The following CDH18 variants were observed in gnomAD, a reference collection of about 807,000 sequenced individuals.
CDH18 encodes the protein cadherin 18.
In CDH18, 31 loss-of-function variants were observed where a neutral mutation model predicts 67.9. The observed-to-expected ratio is 0.46, with a 90% CI of 0.34 to 0.62. The LOEUF is 0.62. Ranked by LOEUF, CDH18 falls within the 20% of genes least tolerant of loss-of-function variation. The pLI is 0.01. For missense variants in CDH18, 890 were observed against 975.5 expected (o/e 0.91, Z 1.17); for synonymous variants, 362 against 347.2 (o/e 1.04, Z -0.48).
intron 2 of CDH18, among the ~76,000 whole-genome samples, chr5:20,053,738 T>C (rs1741651928): frequency 6.6e-6 from 1 of 152,094 alleles, no homozygotes; most frequent in Non-Finnish European, 1.5e-5. Flanking sequence ...AATGAATATT[T>C]TGGTTTCTAC....
Position 20,432,261 on chromosome 5 carries a change from A to G in CDH18, c.-580+143201T>C, listed in dbSNP as rs1001900683. Among the ~76,000 whole-genome samples, 3 of 152,314 alleles carry G rather than the reference A, an allele frequency of 2.0e-5. No homozygotes were observed. The South Asian group carries it at 6.2e-4, about 32-fold the overall frequency. On this transcript the variant is annotated intron_variant, in intron 1 of 14. Coordinates refer to the CDH18 transcript ENST00000507958. ...TTCTAGCACTTAATTTCCCCAAAAT[A>G]CTAATTATTATTTTCCGCTGTTCAA...
chr5:19,915,060 A>G (rs994484482), intron 2 of CDH18, among the ~76,000 whole-genome samples: 17 of 152,158 alleles, frequency 1.1e-4, no homozygotes, highest in African/African-American at 3.9e-4. Context: ...TTTAGAAAAT[A>G]AGTGGTATGA....
chr5:19,529,594 T>C (rs1748276914), intron 9 of CDH18, among the ~76,000 whole-genome samples: 1 of 151,934 alleles, frequency 6.6e-6, no homozygotes, highest in South Asian at 2.1e-4. Context: ...TACCATATAA[T>C]ATACAAAAAA....
intron 2 of CDH18, among the ~76,000 whole-genome samples, chr5:20,183,837 G>A (rs564027494): frequency 6.6e-6 from 1 of 152,172 alleles, no homozygotes; most frequent in Admixed American, 6.5e-5. Flanking sequence ...CAAATAAACT[G>A]TAAGACAAGT....
intron 12 of CDH18, among the ~76,000 whole-genome samples, chr5:19,482,110 T>A (rs2126580307): frequency 6.6e-6 from 1 of 152,104 alleles, no homozygotes; most frequent in South Asian, 2.1e-4. Flanking sequence ...AAAATTTATT[T>A]TATTTTATTA....
At chr5:20,446,177 C>T (rs1194120508) in intron 1 of CDH18, among the ~76,000 whole-genome samples, 1 of 151,990 alleles carries the variant, frequency 6.6e-6, no homozygotes, top group Non-Finnish European at 1.5e-5. Flanking sequence ...TTTAGGTTAC[C>T]GAGCACATGT....
intron 5 of CDH18, among the ~76,000 whole-genome samples, chr5:19,652,028 C>T (rs1021858314): frequency 2.0e-5 from 3 of 151,922 alleles, no homozygotes; most frequent in Non-Finnish European, 2.9e-5. Context: ...GCTATTAATG[C>T]TATTCATGTT....
chr5:20,017,870 C>A (rs1022777857), intron 2 of CDH18, among the ~76,000 whole-genome samples: 2 of 152,140 alleles, frequency 1.3e-5, no homozygotes, highest in African/African-American at 2.4e-5. Flanking sequence ...TCCGTTTCAT[C>A]ACTTAAGGTA....
intron 1 of CDH18, among the ~76,000 whole-genome samples, chr5:20,424,301 G>A (rs1748105473): frequency 2.0e-5 from 3 of 150,962 alleles, no homozygotes; most frequent in Admixed American, 6.6e-5. Flanking sequence ...TCATCGAGAG[G>A]ATCTGAAACA....
intron 2 of CDH18, among the ~76,000 whole-genome samples, chr5:19,869,813 G>T (rs529755152): frequency 6.6e-6 from 1 of 152,024 alleles, no homozygotes. Context: ...AGATAATTCT[G>T]TTATACTAAC....
intron 1 of CDH18, among the ~76,000 whole-genome samples, chr5:20,353,057 AT>A (rs200665418): frequency 2.0e-5 from 3 of 151,918 alleles, no homozygotes; most frequent in Non-Finnish European, 4.4e-5. Flanking sequence ...TTTTTAATTC[AT>A]TTTTTTTCCC....
At chr5:19,904,119 C>A (rs1040292412) in intron 2 of CDH18, among the ~76,000 whole-genome samples, 11 of 151,186 alleles carry the variant, frequency 7.3e-5, no homozygotes, top group African/African-American at 2.7e-4. Flanking sequence ...ACTAAAAATA[C>A]AAAAATTAGC....
chr5:19,762,858 T>A (rs1010754318), intron 3 of CDH18, among the ~76,000 whole-genome samples: 2 of 152,060 alleles, frequency 1.3e-5, no homozygotes, highest in Non-Finnish European at 2.9e-5. Context: ...CAAATGTCCA[T>A]CAATGATAGA....
At chr5:20,154,351 A>G (rs773096664) in intron 2 of CDH18, among the ~76,000 whole-genome samples, 1 of 152,200 alleles carries the variant, frequency 6.6e-6, no homozygotes, top group Non-Finnish European at 1.5e-5. Context: ...GTAACACCAT[A>G]TCTAAATATA....
chr5:20,177,720 C>A (rs1003016033), intron 2 of CDH18, among the ~76,000 whole-genome samples: 3 of 152,004 alleles, frequency 2.0e-5, no homozygotes, highest in Admixed American at 6.6e-5. Flanking sequence ...GTTGGAGGGA[C>A]CCAGTGGGAG....
At chr5:20,407,796 T>A (rs1445018283) in intron 1 of CDH18, among the ~76,000 whole-genome samples, 1 of 151,858 alleles carries the variant, frequency 6.6e-6, no homozygotes, top group African/African-American at 2.4e-5. Context: ...ATATACACAT[T>A]AGAGTTCCAG....
In CDH18 at chr5:20,297,431, T is replaced by G. The variant is rs561155539; in HGVS notation, c.-579-41926A>C. Among the ~76,000 whole-genome samples the G allele has an allele frequency of 6.6e-5, 10 of 152,322 alleles. 1 individual carries two copies. The East Asian group carries it at 1.4e-3, about 21-fold the overall frequency. On this transcript the variant is annotated intron_variant, in intron 1 of 14. Transcript: ENST00000507958. ...AAAGCATAAACTCAACCAATACATA[T>G]TATTTCAACCATTTTCTTACAGAAG... is the stretch of plus-strand genomic sequence containing the variant.
intron 10 of CDH18, among the ~76,000 whole-genome samples, chr5:19,519,909 C>T (rs1257824833): frequency 1.3e-5 from 2 of 152,114 alleles, no homozygotes; most frequent in African/African-American, 4.8e-5. Flanking sequence ...TAGCAGACAC[C>T]TTGATTATAG....
intron 8 of CDH18, among the ~76,000 whole-genome samples, chr5:19,566,179 T>A (rs1740357705): frequency 1.3e-5 from 2 of 152,162 alleles, no homozygotes; most frequent in Admixed American, 1.3e-4. Flanking sequence ...TGAGAAATCA[T>A]CTCACCCCAG....
Sources: allele counts gnomAD v4.1 joint callset (sites outside exome capture counted in the v4.1 genomes callset), GRCh38; gene constraint gnomAD v4.1.1; transcripts MANE v1.5; gene names NCBI Gene and HGNC (gene_info 2026-07-23, HGNC 2026-07-21).